The following ERC2 variants were observed in gnomAD, a reference collection of about 807,000 sequenced individuals.
The protein encoded by ERC2 is ERC protein 2.
Under a neutral mutation model 114.8 loss-of-function variants are expected in ERC2, and 42 were observed. The ratio of observed to expected loss-of-function variants is 0.37; its 90% CI spans 0.29 to 0.47. The LOEUF (loss-of-function observed/expected upper bound fraction) is 0.47. ERC2 is among the 20% of genes least tolerant of loss of function. The pLI, the probability that ERC2 is intolerant of heterozygous loss-of-function variation, is 0.99. For synonymous variants in ERC2, 454 were observed against 425.5 expected, an observed-to-expected ratio of 1.07 and a Z score of -0.82; for missense variants, 939 against 1,150.7, an observed-to-expected ratio of 0.82 and a Z score of 2.66.
At chr3:56,296,456 C>G in intron 2 of ERC2, 21 bp from the exon 3 acceptor site, 1 of 1,582,958 alleles carries the variant, frequency 6.3e-7, no homozygotes, top group Non-Finnish European at 8.6e-7. Context: ...AAAGATGGAG[C>G]GGGAGAGGAG....
At chr3:56,166,694 A>G (rs1447305149) in intron 4 of ERC2, among the ~76,000 whole-genome samples, 3 of 152,036 alleles carry the variant, frequency 2.0e-5, no homozygotes. Flanking sequence ...AAAGTTGCTA[A>G]TAAAATCCTC....
intron 2 of ERC2, among the ~76,000 whole-genome samples, chr3:56,377,915 C>G (rs1029192844): frequency 5.9e-5 from 9 of 151,940 alleles, no homozygotes; most frequent in African/African-American, 2.2e-4. Flanking sequence ...ACCTAGCAAG[C>G]AATATTGCCC....
chr3:56,032,977 G>GAGAAAGAAAGAAAGAA (rs1553782152), intron 7 of ERC2, among the ~76,000 whole-genome samples: 1 of 45,436 alleles, frequency 2.2e-5, no homozygotes. Flanking sequence ...AAGAAAGAAA[G>GAGAAAGAAAGAAAGAA]AGAAAGAAAG....
intron 1 of ERC2, among the ~76,000 whole-genome samples, chr3:56,442,690 A>G (rs1407939006): frequency 6.6e-6 from 1 of 152,210 alleles, no homozygotes; most frequent in East Asian, 1.9e-4. Context: ...GACTGTCCCA[A>G]AATTAAGTAT....
intron 4 of ERC2, among the ~76,000 whole-genome samples, chr3:56,154,737 G>A (rs566701308): frequency 2.0e-5 from 3 of 152,172 alleles, no homozygotes; most frequent in Non-Finnish European, 4.4e-5. Context: ...GCAAATCCTA[G>A]TTCAGGCTTT....
intron 17 of ERC2, among the ~76,000 whole-genome samples, chr3:55,616,502 A>G (rs1268540518): frequency 6.6e-6 from 1 of 152,206 alleles, no homozygotes; most frequent in African/African-American, 2.4e-5. Flanking sequence ...CTGTGTAAAT[A>G]TACACACATA....
chr3:56,148,534 G>C (rs1244010854), intron 5 of ERC2, among the ~76,000 whole-genome samples: 2 of 152,178 alleles, frequency 1.3e-5, no homozygotes, highest in Non-Finnish European at 2.9e-5. Flanking sequence ...TGATCTGCCT[G>C]CCTCAGCCTC....
At chr3:56,000,497 T>C (rs943940520) in intron 10 of ERC2, among the ~76,000 whole-genome samples, 1 of 152,100 alleles carries the variant, frequency 6.6e-6, no homozygotes, top group African/African-American at 2.4e-5. Context: ...TGATTTAAAC[T>C]ACTTACGTAA....
chr3:55,728,984 C>G (rs1265374046), intron 15 of ERC2, among the ~76,000 whole-genome samples: 1 of 152,204 alleles, frequency 6.6e-6, no homozygotes, highest in East Asian at 1.9e-4. Context: ...CACCTTGAGA[C>G]TCCATGGAGG....
At chr3:55,705,955 T>C (rs1204729974) in intron 15 of ERC2, among the ~76,000 whole-genome samples, 1 of 152,134 alleles carries the variant, frequency 6.6e-6, no homozygotes, top group Non-Finnish European at 1.5e-5. Context: ...GCAGCTTGGA[T>C]GGACAGTCCT....
In ERC2 at chr3:55,640,564, A is replaced by C. The variant is rs140411213; in HGVS notation, c.*39+43230T>G. Among the ~76,000 whole-genome samples, 374 of 152,324 alleles carry C rather than the reference A, an allele frequency of 2.5e-3. 2 individuals are homozygous for C. The highest frequency in any genetic ancestry group is 8.7e-3 in the African/African-American group (360 of 41,578). On this transcript the variant is annotated intron_variant, in intron 17 of 17. Transcript: ENST00000288221. ...CTTCCTCCCCTAGAGATTGAGAAAG[A>C]GGGATTCCAAGAGACTGAACCAGTC...
At chr3:56,141,076 T>C (rs1256580127) in intron 5 of ERC2, among the ~76,000 whole-genome samples, 2 of 152,116 alleles carry the variant, frequency 1.3e-5, no homozygotes, top group African/African-American at 4.8e-5. Context: ...ATTTACATGA[T>C]CACAAGCACC....
At chr3:55,616,580 G>A (rs2059129521) in intron 17 of ERC2, among the ~76,000 whole-genome samples, 1 of 150,742 alleles carries the variant, frequency 6.6e-6, no homozygotes, top group Non-Finnish European at 1.5e-5. Flanking sequence ...TTACATATAT[G>A]TGTTAGACAA....
intron 16 of ERC2, among the ~76,000 whole-genome samples, chr3:55,698,784 G>T (rs1359876615): frequency 6.6e-6 from 1 of 152,068 alleles, no homozygotes; most frequent in African/African-American, 2.4e-5. Context: ...GCATTTGGTG[G>T]GTGAATGTAA....
chr3:56,340,208 TA>T (rs1220624891), intron 2 of ERC2, among the ~76,000 whole-genome samples: 1 of 152,196 alleles, frequency 6.6e-6, no homozygotes. Flanking sequence ...GACTTTATTA[TA>T]TTATCTCTGA....
chr3:55,602,438 G>A (rs958737525), intron 17 of ERC2, among the ~76,000 whole-genome samples: 9 of 152,224 alleles, frequency 5.9e-5, no homozygotes, highest in African/African-American at 2.2e-4. Context: ...TCAGACAGAG[G>A]CACCATAAGA....
intron 7 of ERC2, among the ~76,000 whole-genome samples, chr3:56,024,714 C>CTAT (rs2073939372): frequency 6.6e-6 from 1 of 152,176 alleles, no homozygotes; most frequent in Non-Finnish European, 1.5e-5. Context: ...AATTATGACC[C>CTAT]ATATCCACAG....
At chr3:56,308,987 C>G (rs561024220) in intron 2 of ERC2, among the ~76,000 whole-genome samples, 304 of 152,292 alleles carry the variant, frequency 2.0e-3, no homozygotes, top group African/African-American at 6.8e-3. Context: ...TCTCTGTAAT[C>G]CTATGTACAG....
At chr3:55,853,359 T>G (rs2149246474) in intron 14 of ERC2, among the ~76,000 whole-genome samples, 1 of 152,224 alleles carries the variant, frequency 6.6e-6, no homozygotes, top group East Asian at 1.9e-4. Context: ...AGACCCTGTC[T>G]CTACAAAACA....
Sources: allele counts gnomAD v4.1 joint callset (sites outside exome capture counted in the v4.1 genomes callset), GRCh38; gene constraint gnomAD v4.1.1; transcripts MANE v1.5; gene names NCBI Gene and HGNC (gene_info 2026-07-23, HGNC 2026-07-21).